Variants in GLRA2 observed in about 807,000 individuals in gnomAD.
GLRA2 encodes the protein glycine receptor subunit alpha-2.
Under a neutral mutation model 31.6 loss-of-function variants are expected in GLRA2, and 11 were observed. The observed-to-expected ratio is 0.35, with a 90% confidence interval of 0.22 to 0.58. The LOEUF (loss-of-function observed/expected upper bound fraction) is 0.58. Among genes scored for constraint, GLRA2 ranks in the 20% least tolerant of loss-of-function variants. The probability of loss-of-function intolerance (pLI) is 0.84; values close to 1 mark genes in which losing one functional copy is unlikely to be tolerated. For synonymous variants in GLRA2, 132 were observed against 134.0 expected, an observed-to-expected ratio of 0.99 and a Z score of 0.10; for missense variants, 212 against 351.8, an observed-to-expected ratio of 0.60 and a Z score of 3.18.
Position 14,562,208 on chromosome X carries a change from T to C in GLRA2, c.203-12125T>C, listed in dbSNP as rs1001947079. 2.6e-4 allele frequency among the ~76,000 whole-genome samples: 29 copies of C among 112,193 alleles called. No homozygotes were observed. In the Admixed American group the frequency reaches 2.7e-3, roughly 11 times the overall value. On this transcript the variant is annotated intron_variant, in intron 2 of 8. Coordinates refer to ENST00000218075, the MANE Select transcript of GLRA2 (RefSeq NM_002063.4). ...AAGCTCTCAAAAAGAGTAGAAACTG[T>C]CAGAACCAATTTTGTCAGAACTCTG...
intron 2 of GLRA2, among the ~76,000 whole-genome samples, chrX:14,540,288 G>A (rs1193001849): frequency 9.0e-6 from 1 of 111,387 alleles, no homozygotes; most frequent in Non-Finnish European, 1.9e-5. Flanking sequence ...AGAAGCAAGG[G>A]AGGGAGTGAT....
intron 8 of GLRA2, among the ~76,000 whole-genome samples, chrX:14,709,140 T>C (rs1382646164): frequency 9.0e-6 from 1 of 111,076 alleles, no homozygotes; most frequent in African/African-American, 3.3e-5. Context: ...GTGGCTGAGA[T>C]GGGAGGATCA....
chrX:14,496,108 C>T, the GLRA2 span, among the ~76,000 whole-genome samples: 1 of 110,843 alleles, frequency 9.0e-6, no homozygotes, highest in Non-Finnish European at 1.9e-5. Context: ...GGGGTAATGA[C>T]AAGAAAAAAA....
chrX:14,465,563 A>G, the GLRA2 span, among the ~76,000 whole-genome samples: 2 of 112,161 alleles, frequency 1.8e-5, no homozygotes, highest in African/African-American at 6.5e-5. Flanking sequence ...TAATTTGAAA[A>G]TGCTTATCTT....
chrX:14,704,821 TAAAA>T (rs1040098766), intron 8 of GLRA2, among the ~76,000 whole-genome samples: 1 of 111,464 alleles, frequency 9.0e-6, no homozygotes, highest in African/African-American at 3.3e-5. Context: ...AAGGGGCAGA[TAAAA>T]AAAACTGCTT....
chrX:14,575,484 G>A (rs1472815001), intron 3 of GLRA2, among the ~76,000 whole-genome samples: 2 of 110,820 alleles, frequency 1.8e-5, no homozygotes, highest in Non-Finnish European at 3.8e-5. Flanking sequence ...ACAGGCGTGA[G>A]CCACCACAGG....
intron 4 of GLRA2, among the ~76,000 whole-genome samples, chrX:14,584,328 G>C (rs919097018): frequency 3.6e-5 from 4 of 111,598 alleles, no homozygotes; most frequent in Admixed American, 9.5e-5. Context: ...CTGTATATGA[G>C]AGACAGTACA....
chrX:14,684,592 G>T (rs753811337), intron 7 of GLRA2, among the ~76,000 whole-genome samples: 1 of 111,623 alleles, frequency 9.0e-6, no homozygotes, highest in East Asian at 2.8e-4. Context: ...GTGAATGGGA[G>T]TTCACTCATG....
the GLRA2 span, among the ~76,000 whole-genome samples, chrX:14,510,811 T>TC: frequency 8.9e-6 from 1 of 112,156 alleles, no homozygotes; most frequent in Non-Finnish European, 1.9e-5. Flanking sequence ...TGATTTGTCA[T>TC]CCATTGTTCA....
chrX:14,648,856 G>A (rs1202051559), intron 7 of GLRA2, among the ~76,000 whole-genome samples: 2 of 112,250 alleles, frequency 1.8e-5, no homozygotes, highest in Non-Finnish European at 3.8e-5. Context: ...TGGAGCAACT[G>A]AAATCCTCAT....
the GLRA2 span, among the ~76,000 whole-genome samples, chrX:14,501,072 TAAA>T: frequency 5.6e-5 from 5 of 89,461 alleles, no homozygotes; most frequent in African/African-American, 1.6e-4. Flanking sequence ...GAAAAAGTAG[TAAA>T]AAAAAAAAAA....
the GLRA2 span, among the ~76,000 whole-genome samples, chrX:14,482,649 A>G: frequency 9.0e-6 from 1 of 111,240 alleles, no homozygotes; most frequent in African/African-American, 3.3e-5. Context: ...TCATAAGTAT[A>G]AAATATAGAA....
intron 7 of GLRA2, among the ~76,000 whole-genome samples, chrX:14,677,018 G>A (rs2091152568): frequency 9.0e-6 from 1 of 111,508 alleles, no homozygotes; most frequent in Admixed American, 9.5e-5. Context: ...CTAGCACCAT[G>A]AAACTCTAAA....
chrX:14,513,190 G>T, the GLRA2 span, among the ~76,000 whole-genome samples: 2 of 111,642 alleles, frequency 1.8e-5, no homozygotes, highest in Non-Finnish European at 3.8e-5. Flanking sequence ...TTCAACAAAT[G>T]GTGCTGGGAT....
At chrX:14,615,257 G>A (rs1486417743) in intron 7 of GLRA2, among the ~76,000 whole-genome samples, 6 of 111,888 alleles carry the variant, frequency 5.4e-5, no homozygotes, top group African/African-American at 1.9e-4. Flanking sequence ...AATGAACAGT[G>A]TTGAAAATAC....
the GLRA2 span, among the ~76,000 whole-genome samples, chrX:14,451,054 A>T: frequency 9.0e-6 from 1 of 111,634 alleles, no homozygotes; most frequent in African/African-American, 3.3e-5. Context: ...TATCCTGCCA[A>T]ACTTAGCTTC....
At chrX:14,693,855 T>C (rs192026011) in intron 8 of GLRA2, among the ~76,000 whole-genome samples, 6 of 111,957 alleles carry the variant, frequency 5.4e-5, no homozygotes, top group Admixed American at 9.5e-5. Context: ...AGAATTCACA[T>C]TGGAAGTTAG....
At chrX:14,700,768 T>C (rs1340996307) in intron 8 of GLRA2, among the ~76,000 whole-genome samples, 1 of 110,380 alleles carries the variant, frequency 9.1e-6, no homozygotes, top group African/African-American at 3.3e-5. Flanking sequence ...ATATAGGCCA[T>C]GGATTTTTTT....
intron 2 of GLRA2, among the ~76,000 whole-genome samples, chrX:14,541,499 A>G (rs1445154373): frequency 8.9e-6 from 1 of 111,956 alleles, no homozygotes; most frequent in Non-Finnish European, 1.9e-5. Context: ...AGGTAATACA[A>G]TGTATCTTCT....
Sources: gnomAD v4.1 joint callset for allele counts (sites outside exome capture counted in the v4.1 genomes callset) on GRCh38, gnomAD v4.1.1 for gene constraint, MANE v1.5 for transcripts, NCBI Gene and HGNC (gene_info 2026-07-23, HGNC 2026-07-21) for gene names.